The following SH3BGR variants were observed in gnomAD, a reference collection of about 807,000 sequenced individuals.
SH3BGR encodes SH3 domain-binding glutamic acid-rich protein.
SH3BGR carries 29 observed loss-of-function variants against 24.5 expected under a neutral mutation model. The ratio of observed to expected loss-of-function variants is 1.18; its 90% CI spans 0.88 to 1.61. The LOEUF (loss-of-function observed/expected upper bound fraction) is 1.61. Among genes scored for constraint, SH3BGR ranks in the 40% most tolerant of loss-of-function variants. The probability of loss-of-function intolerance (pLI) is 0.00; values close to 1 mark genes in which losing one functional copy is unlikely to be tolerated. For missense variants in SH3BGR, 162 were observed against 205.8 expected, an observed-to-expected ratio of 0.79 and a Z score of 1.30; for synonymous variants, 55 against 65.7, an observed-to-expected ratio of 0.84 and a Z score of 0.79.
chr21:39,491,012 A>T (rs59759460), intron 3 of SH3BGR, among the ~76,000 whole-genome samples: 1 of 152,138 alleles, frequency 6.6e-6, no homozygotes, highest in Non-Finnish European at 1.5e-5. Flanking sequence ...GATTACAGGC[A>T]TGAGCCACTG....
intron 2 of SH3BGR, among the ~76,000 whole-genome samples, chr21:39,467,951 A>G (rs1437439923): frequency 6.6e-6 from 1 of 152,250 alleles, no homozygotes; most frequent in African/African-American, 2.4e-5. Context: ...GGCACAGTTG[A>G]GGCCAGGCTC....
intron 3 of SH3BGR, among the ~76,000 whole-genome samples, chr21:39,497,651 AAAATC>A (rs2078421944): frequency 6.6e-6 from 1 of 152,132 alleles, no homozygotes; most frequent in Non-Finnish European, 1.5e-5. Context: ...AAAAAAGAAA[AAAATC>A]AAATAAAATG....
chr21:39,494,848 T>A (rs565692177), intron 3 of SH3BGR, among the ~76,000 whole-genome samples: 2 of 152,286 alleles, frequency 1.3e-5, no homozygotes, highest in South Asian at 4.1e-4. Context: ...ATGTTAAATC[T>A]TTTGTTATTA....
chr21:39,493,841 G>A (rs558452234), intron 3 of SH3BGR, among the ~76,000 whole-genome samples: 5 of 152,214 alleles, frequency 3.3e-5, no homozygotes, highest in African/African-American at 1.2e-4. Context: ...CCTTGGTTAG[G>A]TATATTCCTA....
chr21:39,509,866 A>G (rs1327274937), intron 5 of SH3BGR, among the ~76,000 whole-genome samples: 1 of 152,190 alleles, frequency 6.6e-6, no homozygotes, highest in Non-Finnish European at 1.5e-5. Flanking sequence ...TGTATTGTCT[A>G]GATGTTTCAG....
intron 1 of SH3BGR, among the ~76,000 whole-genome samples, chr21:39,461,056 T>C (rs891005966): frequency 1.3e-5 from 2 of 151,820 alleles, no homozygotes; most frequent in Non-Finnish European, 2.9e-5. Context: ...TTTTGAAGAC[T>C]GCAAAAAAGA....
intron 3 of SH3BGR, among the ~76,000 whole-genome samples, chr21:39,482,516 C>G (rs868758707): frequency 1.3e-5 from 2 of 152,124 alleles, no homozygotes; most frequent in Non-Finnish European, 2.9e-5. Context: ...ACTGGAGTTA[C>G]GTAAGAGAAT....
upstream of SH3BGR, among the ~76,000 whole-genome samples, chr21:39,448,511 T>C (rs1285849922): frequency 6.6e-6 from 1 of 152,140 alleles, no homozygotes; most frequent in Non-Finnish European, 1.5e-5. Context: ...TGTTAAAATA[T>C]ACTCCAACAG....
intron 3 of SH3BGR, among the ~76,000 whole-genome samples, chr21:39,481,148 A>G (rs1294874682): frequency 6.6e-6 from 1 of 152,174 alleles, no homozygotes; most frequent in Non-Finnish European, 1.5e-5. Flanking sequence ...TTTAAACAAC[A>G]ATAGTAGTAG....
Position 39,480,650 on chromosome 21 carries a change from G to A in SH3BGR, c.312+5435G>A, listed in dbSNP as rs182162981. ...TTTTGGCTATCATGAATACTGCTGC[G>A]ATGACCATTTGTGTATCTTTTGTTT... On this transcript the variant is annotated intron_variant, in intron 3 of 6. Coordinates refer to ENST00000333634, the MANE Select transcript of SH3BGR (RefSeq NM_007341.3). Among the ~76,000 whole-genome samples the A allele has an allele frequency of 8.5e-5, 13 of 152,286 alleles. No individual in the cohort carries two copies. In the East Asian group the frequency reaches 2.1e-3, roughly 25 times the overall value.
intron 2 of SH3BGR, among the ~76,000 whole-genome samples, chr21:39,469,011 G>GT (rs78313529): frequency 0.13 from 18,037 of 134,290 alleles, 1,904 homozygotes; most frequent in African/African-American, 0.31. Flanking sequence ...AAGATGTCTA[G>GT]TTTTTTTTTT....
chr21:39,510,635 A>G (rs1448586009), intron 5 of SH3BGR, among the ~76,000 whole-genome samples: 2 of 152,190 alleles, frequency 1.3e-5, no homozygotes, highest in South Asian at 2.1e-4. Context: ...TATTTCTAGT[A>G]TATTCTACAC....
In SH3BGR at chr21:39,511,705, CG is replaced by C; in HGVS notation, c.463del (p.Glu155LysfsTer58). On this transcript the variant is annotated frameshift_variant, in exon 6 of 7. Transcript: ENST00000333634. LOFTEE classifies it high-confidence loss of function. The surrounding 1 kb of genome is among the most constrained non-coding windows in gnomAD (Gnocchi z 4.2). The part of the protein sequence containing the change: ...EETEEIAMEG[A>X]EGEAEEEEET... The stretch of plus-strand genomic sequence containing the variant: ...ACGGAAGAAATAGCCATGGAGGGTG[CG>C]GAAGGGGAAGCCGAGGAGGAGGAAG... 1 of 1,609,068 alleles carries C rather than the reference CG, an allele frequency of 6.2e-7. No homozygotes were observed. Among genetic ancestry groups the C allele is most frequent in the South Asian group, 1.1e-5 (1 of 90,784 alleles).
intron 4 of SH3BGR, among the ~76,000 whole-genome samples, chr21:39,503,183 T>C (rs1454680240): frequency 1.3e-5 from 2 of 152,220 alleles, no homozygotes; most frequent in African/African-American, 4.8e-5. Flanking sequence ...TCACAATTCA[T>C]ATCCTGGCCT....
Position 39,509,339 on chromosome 21 carries a change from C to T in SH3BGR, c.435+312C>T, listed in dbSNP as rs111825460. Among the ~76,000 whole-genome samples the T allele has an allele frequency of 7.4e-3, 1,122 of 152,258 alleles. 15 individuals carry two copies. The highest frequency in any genetic ancestry group is 0.025 in the African/African-American group (1,049 of 41,540). On this transcript the variant is annotated intron_variant, in intron 5 of 6. Transcript: ENST00000333634. ...AGGGCACTGGCTGGAGATGCCTGCT[C>T]CTCGTCCTTTTCCACCCTGTTGAAT...
chr21:39,451,187 A>G (rs1211317632), upstream of SH3BGR, among the ~76,000 whole-genome samples: 2 of 152,236 alleles, frequency 1.3e-5, no homozygotes, highest in Non-Finnish European at 2.9e-5. Flanking sequence ...ACAAATATAT[A>G]TAAATAAACA....
At chr21:39,474,881 A>G (rs111856994) in intron 2 of SH3BGR, among the ~76,000 whole-genome samples, 5,434 of 75,390 alleles carry the variant, frequency 0.072, 117 homozygotes, top group Middle Eastern at 0.12. Flanking sequence ...ATTCCTGAGC[A>G]TGGGTAGGGG....
rs1178418321 is a variant in SH3BGR, at chr21:39,446,149, CCCCTTG to C, written c.-100+69_-100+74del. 2.7e-5 allele frequency: 4 copies of C among 147,626 alleles called. No individual in the cohort carries two copies. In the East Asian group the frequency reaches 8.2e-4, roughly 30 times the overall value. 9.1% of individuals were successfully genotyped at this position (147,626 alleles called of 1,614,324 possible). On this transcript the variant is annotated intron_variant, in intron 1 of 6. Coordinates refer to the SH3BGR transcript ENST00000380631. Reference sequence around the variant, plus strand: ...CTGGGAAGCACAGTTCCCCTATTAACCCCTTGTCATAAAGACGATTTTTTTTTTTTT... The same window carrying C: ...CTGGGAAGCACAGTTCCCCTATTAACTCATAAAGACGATTTTTTTTTTTTT...
intron 1 of SH3BGR, among the ~76,000 whole-genome samples, chr21:39,457,328 G>A (rs576081280): frequency 2.1e-4 from 29 of 140,294 alleles, no homozygotes; most frequent in African/African-American, 6.5e-4. Context: ...TTATATATAA[G>A]ATTATTATAT....
Sources: gnomAD v4.1 joint callset for allele counts (sites outside exome capture counted in the v4.1 genomes callset) on GRCh38, gnomAD v4.1.1 for gene constraint, Gnocchi (gnomAD v3.1) non-coding constraint, MANE v1.5 for transcripts, NCBI Gene and HGNC (gene_info 2026-07-23, HGNC 2026-07-21) for gene names.